DCDC2C: variants seen among roughly 807,000 people sequenced by gnomAD.
The protein encoded by DCDC2C is doublecortin domain containing 2C.
DCDC2C carries 44 observed loss-of-function variants against 45.0 expected under a neutral mutation model. That is an observed-to-expected ratio of 0.98 (90% CI 0.77 to 1.26). DCDC2C has a LOEUF of 1.26. Among genes scored for constraint, DCDC2C ranks in the 50% most tolerant of loss-of-function variants. The pLI, the probability that DCDC2C is intolerant of heterozygous loss-of-function variation, is 0.00. For missense variants in DCDC2C, 447 were observed against 468.9 expected, an observed-to-expected ratio of 0.95 and a Z score of 0.43; for synonymous variants, 187 against 178.8, an observed-to-expected ratio of 1.05 and a Z score of -0.37.
Position 3,710,598 on chromosome 2 carries a change from T to C in DCDC2C, c.339+1998T>C, listed in dbSNP as rs145175549. Among the ~76,000 whole-genome samples the C allele has an allele frequency of 3.3e-5, 5 of 152,304 alleles. No individual in the cohort carries two copies. In the East Asian group the frequency reaches 7.7e-4, roughly 24 times the overall value. ...CCCAGGCAGTGAGCATAGTATCCAA[T>C]AGTTAGTTTTTCAACCCTTGCCCCA... On this transcript the variant is annotated intron_variant, in intron 2 of 10. Coordinates refer to ENST00000399143, the MANE Select transcript of DCDC2C (RefSeq NM_001287444.2).
rs1356938471 is a variant in DCDC2C, at chr2:3,837,621, G to GACACAGTATC, written c.1066-9532_1066-9531insCACAGTATCA. On this transcript the variant is annotated intron_variant, in intron 10 of 10. Transcript: ENST00000399143. ...CTCATCTAAAGGGGAAGAAACTGAG[G>GACACAGTATC]AAGAAATCAGCCTTTGGCTCCCCCT... is the stretch of plus-strand genomic sequence containing the variant. Among the ~76,000 whole-genome samples, 2 of 103,140 alleles carry GACACAGTATC rather than the reference G, an allele frequency of 1.9e-5. 1 individual carries two copies. Among genetic ancestry groups the GACACAGTATC allele is most frequent in the Admixed American group, 2.0e-4 (2 of 10,082 alleles). The allele number at this position is 103,140 out of a possible 152,430, so 67.7% of individuals were successfully genotyped here. A position where few individuals can be genotyped will look rare whatever the true frequency, so the allele number is the denominator to read the frequency against.
At chr2:3,745,682 G>A (rs1222963657) in intron 4 of DCDC2C, among the ~76,000 whole-genome samples, 1 of 152,202 alleles carries the variant, frequency 6.6e-6, no homozygotes, top group Non-Finnish European at 1.5e-5. Context: ...ATTCAGCTGA[G>A]ATTTCCATCA....
At chr2:3,768,352 C>T (rs1404142594) in intron 7 of DCDC2C, among the ~76,000 whole-genome samples, 1 of 152,210 alleles carries the variant, frequency 6.6e-6, no homozygotes, top group Non-Finnish European at 1.5e-5. Context: ...CACTCTGCTA[C>T]TATTACTAAC....
At chr2:3,825,778 A>G (rs1671801743) in intron 10 of DCDC2C, among the ~76,000 whole-genome samples, 1 of 152,178 alleles carries the variant, frequency 6.6e-6, no homozygotes, top group Non-Finnish European at 1.5e-5. Context: ...GAAGCTGATC[A>G]CTGCTGTAGC....
intron 2 of DCDC2C, among the ~76,000 whole-genome samples, chr2:3,726,633 G>T (rs889509439): frequency 2.0e-5 from 3 of 152,198 alleles, no homozygotes; most frequent in Non-Finnish European, 4.4e-5. Flanking sequence ...GGCCAGCAAA[G>T]CTCCTCGGCA....
At chr2:3,739,766 C>G (rs554783093) in intron 3 of DCDC2C, among the ~76,000 whole-genome samples, 1 of 152,242 alleles carries the variant, frequency 6.6e-6, no homozygotes, top group Non-Finnish European at 1.5e-5. Context: ...GATACAAAGC[C>G]CTTTGTTCTT....
intron 6 of DCDC2C, among the ~76,000 whole-genome samples, chr2:3,758,304 T>C (rs1280575443): frequency 6.6e-6 from 1 of 152,224 alleles, no homozygotes; most frequent in African/African-American, 2.4e-5. Flanking sequence ...TTGTAGGTGC[T>C]AGTTGCTCAT....
At chr2:3,833,461 T>C (rs2148237172) in intron 10 of DCDC2C, among the ~76,000 whole-genome samples, 1 of 152,358 alleles carries the variant, frequency 6.6e-6, no homozygotes. Context: ...TGACACATTT[T>C]GTCCTACACG....
intron 3 of DCDC2C, among the ~76,000 whole-genome samples, chr2:3,733,589 G>A (rs576714474): frequency 6.6e-6 from 1 of 152,200 alleles, no homozygotes; most frequent in Non-Finnish European, 1.5e-5. Flanking sequence ...CCGAGATTGA[G>A]GTGCTAGCAG....
chr2:3,715,414 C>A (rs1324506982), intron 2 of DCDC2C, among the ~76,000 whole-genome samples: 2 of 152,182 alleles, frequency 1.3e-5, no homozygotes, highest in African/African-American at 4.8e-5. Context: ...ATTTTCCCAA[C>A]ACATTGCCAT....
intron 1 of DCDC2C, among the ~76,000 whole-genome samples, chr2:3,707,534 T>C (rs1572546168): frequency 6.6e-6 from 1 of 152,338 alleles, no homozygotes; most frequent in African/African-American, 2.4e-5. Context: ...AAGATTTGAG[T>C]TGGCTGCAAC....
At chr2:3,836,363 G>A (rs546337603) in intron 10 of DCDC2C, among the ~76,000 whole-genome samples, 2 of 152,300 alleles carry the variant, frequency 1.3e-5, no homozygotes, top group South Asian at 4.1e-4. Flanking sequence ...ACAGTTTGGA[G>A]GTAACTAGGA....
intron 9 of DCDC2C, among the ~76,000 whole-genome samples, chr2:3,782,884 A>G (rs1282097739): frequency 6.6e-6 from 1 of 152,244 alleles, no homozygotes; most frequent in Non-Finnish European, 1.5e-5. Context: ...TTGTAAAGCA[A>G]TGCGTAATGG....
At chr2:3,841,996 T>G (rs1300179406) in intron 10 of DCDC2C, among the ~76,000 whole-genome samples, 4 of 152,168 alleles carry the variant, frequency 2.6e-5, no homozygotes, top group Admixed American at 6.5e-5. Flanking sequence ...TTTTTACCCC[T>G]ATTTTCAAAG....
chr2:3,776,265 C>CT (rs1451982614), intron 8 of DCDC2C, among the ~76,000 whole-genome samples: 1 of 152,186 alleles, frequency 6.6e-6, no homozygotes, highest in East Asian at 1.9e-4. Flanking sequence ...AAAAACAACT[C>CT]TTTCTTGGTC....
At chr2:3,842,809 T>A (rs964107421) in intron 10 of DCDC2C, among the ~76,000 whole-genome samples, 3 of 152,258 alleles carry the variant, frequency 2.0e-5, no homozygotes, top group Non-Finnish European at 2.9e-5. Context: ...ACACATGGTC[T>A]CTGAGTTTGC....
intron 10 of DCDC2C, among the ~76,000 whole-genome samples, chr2:3,788,714 G>A (rs1168204554): frequency 6.6e-6 from 1 of 152,180 alleles, no homozygotes; most frequent in Non-Finnish European, 1.5e-5. Flanking sequence ...TTAAATGCAT[G>A]TTGGAGGCAA....
chr2:3,705,129 A>G (rs1377085956), intron 1 of DCDC2C, among the ~76,000 whole-genome samples: 2 of 152,122 alleles, frequency 1.3e-5, no homozygotes, highest in African/African-American at 4.8e-5. Context: ...CAGCAGCTTG[A>G]GTTTTGTTTG....
intron 9 of DCDC2C, among the ~76,000 whole-genome samples, chr2:3,782,218 A>T (rs958928948): frequency 6.6e-6 from 1 of 152,178 alleles, no homozygotes; most frequent in African/African-American, 2.4e-5. Context: ...TGCAAGTATT[A>T]TGATGGGATC....
Sources: gnomAD v4.1 joint callset for allele counts (sites outside exome capture counted in the v4.1 genomes callset) on GRCh38, gnomAD v4.1.1 for gene constraint, MANE v1.5 for transcripts, NCBI Gene and HGNC (gene_info 2026-07-23, HGNC 2026-07-21) for gene names.